The following USP6NL variants were observed in gnomAD, a reference collection of about 807,000 sequenced individuals.
The protein encoded by USP6NL is USP6 N-terminal-like protein.
In USP6NL, 26 loss-of-function variants were observed where a neutral mutation model predicts 61.9. That is an observed-to-expected ratio of 0.42 (90% CI 0.31 to 0.58). The LOEUF is 0.58. USP6NL is among the 20% of genes least tolerant of loss of function. USP6NL has a pLI of 0.16. For missense variants in USP6NL, 1,114 were observed against 1,034.3 expected (o/e 1.08, Z -1.06); for synonymous variants, 432 against 390.1 (o/e 1.11, Z -1.27).
chr10:11,527,408 C>T (rs775340810), intron 3 of USP6NL, 92 bp downstream of exon 3: 6 of 1,140,416 alleles, frequency 5.3e-6, no homozygotes, highest in East Asian at 2.6e-5. Context: ...CAAACTGCTT[C>T]TGGAATGTAA....
rs79053162 is a variant in USP6NL at position 11,541,076 on chromosome 10, A to G, written c.5-13509T>C. ...AGCTGCAATCCACACATTTCACCTA[A>G]CAAATCCTGAACTGCGTTATATGTA... On this transcript the variant is annotated intron_variant, in intron 2 of 14. Coordinates refer to ENST00000609104, the MANE Select transcript of USP6NL (RefSeq NM_014688.5). Among the ~76,000 whole-genome samples, 10 of 151,868 alleles carry G rather than the reference A, an allele frequency of 6.6e-5. No homozygotes were observed. In the East Asian group the frequency reaches 1.5e-3, roughly 23 times the overall value.
chr10:11,470,952 G>A lies in USP6NL; in HGVS notation c.1079-7103C>T, dbSNP rs530353558. ...TGTAATCCCAGCACTTTGGGAGGCC[G>A]AGGTGGGCGGATCACGAGGTCAGGA... is the stretch of plus-strand genomic sequence containing the variant. On this transcript the variant is annotated intron_variant, in intron 14 of 14. Transcript: ENST00000609104. This position sits in a 1 kb window ranked among gnomAD's most constrained non-coding sequence, Gnocchi z 5.4. Among the ~76,000 whole-genome samples the A allele has an allele frequency of 4.6e-5, 7 of 152,162 alleles. No homozygotes were observed. The highest frequency in any genetic ancestry group is 2.0e-4 in the Admixed American group (3 of 15,270).
At position 11,490,565 on chromosome 10, in the gene USP6NL, AC is replaced by A. The variant is rs1385566986; in HGVS notation, c.543+266del. ...TAAAAACAAAACAACACAAAACATT[AC>A]AAAGCAAAACAATATGGAGGGAGAG... On this transcript the variant is annotated intron_variant, in intron 9 of 14. Coordinates refer to ENST00000609104, the MANE Select transcript of USP6NL (RefSeq NM_014688.5). The surrounding 1 kb of genome is among the most constrained non-coding windows in gnomAD (Gnocchi z 4.5). Among the ~76,000 whole-genome samples the A allele has an allele frequency of 1.3e-5, 2 of 152,232 alleles. No individual in the cohort carries two copies. Among genetic ancestry groups the A allele is most frequent in the Non-Finnish European group, 1.5e-5 (1 of 68,032 alleles).
chr10:11,481,714 C>G lies in USP6NL; in HGVS notation c.1078+56G>C. ...CAAGAAACAGCCCATGTTAATTATG[C>G]CATGTCTTCCAATCTTAATTATAAC... On this transcript the variant is annotated intron_variant, in intron 14 of 14. Transcript: ENST00000609104. The surrounding 1 kb of genome is among the most constrained non-coding windows in gnomAD (Gnocchi z 4.4). 6.6e-7 allele frequency: 1 copy of G among 1,516,568 alleles called. No individual in the cohort carries two copies. The highest frequency in any genetic ancestry group is 8.8e-7 in the Non-Finnish European group (1 of 1,132,170). The allele number at this position is 1,516,568 out of a possible 1,614,324, so 93.9% of individuals were successfully genotyped here.
At chr10:11,538,596 C>T (rs1309954652) in intron 2 of USP6NL, among the ~76,000 whole-genome samples, 2 of 152,166 alleles carry the variant, frequency 1.3e-5, no homozygotes, top group East Asian at 1.9e-4. Flanking sequence ...AATATATCAA[C>T]GTATGCTGAA....
At chr10:11,544,764 C>T (rs1221515539) in intron 2 of USP6NL, among the ~76,000 whole-genome samples, 1 of 152,166 alleles carries the variant, frequency 6.6e-6, no homozygotes, top group East Asian at 1.9e-4. Flanking sequence ...GCTGGGATTA[C>T]AGGTGTGAGC....
intron 2 of USP6NL, among the ~76,000 whole-genome samples, chr10:11,588,180 G>T (rs903789146): frequency 5.3e-5 from 8 of 152,146 alleles, no homozygotes; most frequent in African/African-American, 1.7e-4. Context: ...AAAATCTGAG[G>T]AACTATTCCA....
At chr10:11,539,418 T>C (rs1835963057) in intron 2 of USP6NL, among the ~76,000 whole-genome samples, 1 of 152,266 alleles carries the variant, frequency 6.6e-6, no homozygotes, top group Admixed American at 6.5e-5. Flanking sequence ...TATCACTTAG[T>C]GACTCCCTGG....
intron 13 of USP6NL, among the ~76,000 whole-genome samples, chr10:11,483,555 GGA>G (rs1833304740): frequency 3.2e-5 from 2 of 62,338 alleles, no homozygotes; most frequent in African/African-American, 7.0e-5. Flanking sequence ...AGGGAGGGAG[GGA>G]GGGAGAGAGG....
In USP6NL at chr10:11,592,072, ATGT is replaced by A. The variant is rs1487737895; in HGVS notation, c.4+5556_4+5558del. On this transcript the variant is annotated intron_variant, in intron 2 of 14. Coordinates refer to ENST00000609104, the MANE Select transcript of USP6NL (RefSeq NM_014688.5). This position sits in a 1 kb window ranked among gnomAD's most constrained non-coding sequence, Gnocchi z 4.7. ...TTTTTAGTAGAGACGGGGTTTCACC[ATGT>A]TGGCCAGGCTGGTCTTGAACTCCTG... is the stretch of plus-strand genomic sequence containing the variant. Among the ~76,000 whole-genome samples the A allele has an allele frequency of 2.0e-5, 3 of 152,074 alleles. No homozygotes were observed. Among genetic ancestry groups the A allele is most frequent in the Non-Finnish European group, 4.4e-5 (3 of 68,010 alleles).
chr10:11,558,881 C>G (rs545100165), intron 2 of USP6NL, among the ~76,000 whole-genome samples: 3 of 152,234 alleles, frequency 2.0e-5, no homozygotes, highest in African/African-American at 7.2e-5. Flanking sequence ...CCATAGTTTA[C>G]TTTGCTTAAT....
intron 14 of USP6NL, among the ~76,000 whole-genome samples, chr10:11,471,965 T>TAAAAA: frequency 7.3e-6 from 1 of 137,874 alleles, no homozygotes; most frequent in African/African-American, 2.7e-5. Flanking sequence ...CCCTAAAACT[T>TAAAAA]AAAAAAAAAA....
At chr10:11,526,133 C>T (rs1383052616) in intron 3 of USP6NL, among the ~76,000 whole-genome samples, 2 of 152,154 alleles carry the variant, frequency 1.3e-5, no homozygotes, top group African/African-American at 2.4e-5. Context: ...ATGGGTAACT[C>T]GTCATTGATG....
chr10:11,538,390 T>C (rs1185922133), intron 2 of USP6NL, among the ~76,000 whole-genome samples: 3 of 152,244 alleles, frequency 2.0e-5, no homozygotes, highest in Non-Finnish European at 2.9e-5. Context: ...AATTCTTTAC[T>C]GAATATATGT....
At chr10:11,544,539 G>A (rs1336036743) in intron 2 of USP6NL, among the ~76,000 whole-genome samples, 2 of 151,882 alleles carry the variant, frequency 1.3e-5, no homozygotes, top group Non-Finnish European at 2.9e-5. Flanking sequence ...ACAGGCTGGA[G>A]TGCAGTTGCA....
intron 2 of USP6NL, among the ~76,000 whole-genome samples, chr10:11,547,396 A>G (rs1338971777): frequency 2.6e-5 from 4 of 152,230 alleles, no homozygotes; most frequent in African/African-American, 9.6e-5. Context: ...CAGGCGGCAG[A>G]GCGGGATGTG....
In USP6NL at chr10:11,587,559, G is replaced by A. The variant is rs1360189482; in HGVS notation, c.4+10072C>T. Reference sequence around the variant, plus strand: ...TATTCTATTTTTGGCTAAAGAAAATGTATCAGGACAAAGAGGCACCAGGTT... The same window carrying A: ...TATTCTATTTTTGGCTAAAGAAAATATATCAGGACAAAGAGGCACCAGGTT... On this transcript the variant is annotated intron_variant, in intron 2 of 14. Transcript: ENST00000609104. The surrounding 1 kb of genome is among the most constrained non-coding windows in gnomAD (Gnocchi z 4.5). Among the ~76,000 whole-genome samples, 1 of 152,154 alleles carries A rather than the reference G, an allele frequency of 6.6e-6. No individual in the cohort carries two copies. Among genetic ancestry groups the A allele is most frequent in the African/African-American group, 2.4e-5 (1 of 41,450 alleles).
At chr10:11,523,372 A>C (rs918431507) in intron 4 of USP6NL, among the ~76,000 whole-genome samples, 20 of 152,346 alleles carry the variant, frequency 1.3e-4, no homozygotes, top group Admixed American at 8.5e-4. Flanking sequence ...CCACATTTGC[A>C]GGCATATTTC....
At position 11,592,899 on chromosome 10, in the gene USP6NL, G is replaced by A. The variant is rs1217299162; in HGVS notation, c.4+4732C>T. The stretch of plus-strand genomic sequence containing the variant: ...TTAAAACAAATTGTTCTTCACTTCA[G>A]CATGAACACTTAGTCCCCTGCTCCA... On this transcript the variant is annotated intron_variant, in intron 2 of 14. Coordinates refer to ENST00000609104, the MANE Select transcript of USP6NL (RefSeq NM_014688.5). The surrounding 1 kb of genome is among the most constrained non-coding windows in gnomAD (Gnocchi z 4.7). Among the ~76,000 whole-genome samples, 1 of 152,114 alleles carries A rather than the reference G, an allele frequency of 6.6e-6. No individual in the cohort carries two copies. The highest frequency in any genetic ancestry group is 6.5e-5 in the Admixed American group (1 of 15,270).
Sources: gnomAD v4.1 joint callset for allele counts (sites outside exome capture counted in the v4.1 genomes callset) on GRCh38, gnomAD v4.1.1 for gene constraint, Gnocchi (gnomAD v3.1) non-coding constraint, MANE v1.5 for transcripts, NCBI Gene and HGNC (gene_info 2026-07-23, HGNC 2026-07-21) for gene names.